Variants in NRF1 observed in about 807,000 individuals in gnomAD.
The protein encoded by NRF1 is nuclear respiratory factor 1.
In NRF1, 5 loss-of-function variants were observed where a neutral mutation model predicts 58.5. That is an observed-to-expected ratio of 0.09 (90% CI 0.04 to 0.18). The LOEUF is 0.18. NRF1 is among the 10% of genes least tolerant of loss of function. The pLI is 1.00. For synonymous variants in NRF1, 224 were observed against 246.7 expected (o/e 0.91, Z 0.86); for missense variants, 288 against 657.7 (o/e 0.44, Z 6.15).
intron 5 of NRF1, 116 bp from the exon 6 acceptor site, chr7:129,708,959 A>G: frequency 2.3e-6 from 2 of 858,610 alleles, no homozygotes; most frequent in Non-Finnish European, 3.3e-6. Context: ...CACATCTTAG[A>G]ATTCTCTGGG....
chr7:129,749,315 G>T (rs1804056379), intron 10 of NRF1, among the ~76,000 whole-genome samples: 1 of 152,110 alleles, frequency 6.6e-6, no homozygotes, highest in South Asian at 2.1e-4. Flanking sequence ...TGAAGTAAAG[G>T]ATGACTTCAG....
Position 129,657,555 on chromosome 7 carries a change from A to G in NRF1, c.204A>G (p.Thr68=), listed in dbSNP as rs926784142. ...ILNSTAADEV[T]AHLAAAGPVG... ...ACTCCACAGCAGCTGATGAGGTGAC[A>G]GCTCATCTGGCAGCTGCAGGTAGTG... Residue 68 remains threonine, a synonymous_variant, in exon 2 of 11, where the codon ACA becomes ACG. Coordinates refer to ENST00000393232, the MANE Select transcript of NRF1 (RefSeq NM_005011.5). 3 of 1,612,216 alleles carry G rather than the reference A, an allele frequency of 1.9e-6. No individual in the cohort carries two copies. Among genetic ancestry groups the G allele is most frequent in the Non-Finnish European group, 2.5e-6 (3 of 1,178,732 alleles).
intron 2 of NRF1, among the ~76,000 whole-genome samples, chr7:129,666,538 T>C: frequency 6.6e-6 from 1 of 152,156 alleles, no homozygotes; most frequent in East Asian, 1.9e-4. Flanking sequence ...TCTTTTTCTG[T>C]TGTTGTTTTT....
At chr7:129,711,997 T>A (rs1359227512) in intron 8 of NRF1, among the ~76,000 whole-genome samples, 3 of 152,206 alleles carry the variant, frequency 2.0e-5, no homozygotes, top group African/African-American at 7.2e-5. Flanking sequence ...ATTTATTACA[T>A]CTTAAATATG....
At chr7:129,644,708 A>G (rs533026776) in intron 1 of NRF1, among the ~76,000 whole-genome samples, 212 of 152,352 alleles carry the variant, frequency 1.4e-3, no homozygotes, top group Non-Finnish European at 2.6e-3. Context: ...GAGAGTTGAC[A>G]TATTTTAAGC....
intron 2 of NRF1, 100 bp downstream of exon 2, chr7:129,657,674 A>G (rs1044113991): frequency 9.5e-6 from 7 of 735,828 alleles, no homozygotes; most frequent in African/African-American, 7.2e-5. Flanking sequence ...CAGCAGCACA[A>G]TCATGATTCA....
rs529162859 is a variant in NRF1 at position 129,749,371 on chromosome 7, G to T, written c.1349-5647G>T. Among the ~76,000 whole-genome samples, 42 of 151,916 alleles carry T rather than the reference G, an allele frequency of 2.8e-4. 1 individual carries two copies. Among genetic ancestry groups the T allele is most frequent in the Non-Finnish European group, 8.8e-5 (6 of 67,976 alleles). Reference sequence around the variant, plus strand: ...AGAAGAATGTTATTGCCATTTATTTGGGAAGAGAGGAGACTTGGGAAAAGC... The same window carrying T: ...AGAAGAATGTTATTGCCATTTATTTTGGAAGAGAGGAGACTTGGGAAAAGC... On this transcript the variant is annotated intron_variant, in intron 10 of 10. Coordinates refer to ENST00000393232, the MANE Select transcript of NRF1 (RefSeq NM_005011.5).
At chr7:129,707,787 A>G (rs1262866157) in intron 5 of NRF1, among the ~76,000 whole-genome samples, 1 of 152,154 alleles carries the variant, frequency 6.6e-6, no homozygotes. Flanking sequence ...GGCTTGGCAC[A>G]GGAATTAACA....
intron 3 of NRF1, among the ~76,000 whole-genome samples, chr7:129,674,402 T>TTA: frequency 6.8e-6 from 1 of 146,590 alleles, no homozygotes; most frequent in African/African-American, 2.5e-5. Context: ...GTATTATATC[T>TTA]AAAAAAAAAA....
intron 4 of NRF1, among the ~76,000 whole-genome samples, chr7:129,687,176 C>T (rs1048381010): frequency 6.6e-5 from 10 of 151,944 alleles, no homozygotes; most frequent in African/African-American, 2.2e-4. Flanking sequence ...ATATTGTCCT[C>T]TGTGCCATCA....
chr7:129,736,827 A>G (rs1433941692), intron 10 of NRF1, among the ~76,000 whole-genome samples: 1 of 151,938 alleles, frequency 6.6e-6, no homozygotes, highest in African/African-American at 2.4e-5. Flanking sequence ...TATAGCACTG[A>G]GAGTAAAAGG....
At chr7:129,672,826 C>T (rs1562966338) in intron 3 of NRF1, among the ~76,000 whole-genome samples, 2 of 152,044 alleles carry the variant, frequency 1.3e-5, no homozygotes, top group African/African-American at 2.4e-5. Flanking sequence ...ACAAAATAAG[C>T]AGTTGGATAT....
At chr7:129,734,914 CTT>C (rs1803670748) in intron 10 of NRF1, 3 of 268,020 alleles carry the variant, frequency 1.1e-5, no homozygotes, top group African/African-American at 6.9e-5. Context: ...GGCCAGGACT[CTT>C]TCAGCCTTCC....
chr7:129,704,091 G>A (rs1231182036), intron 5 of NRF1, among the ~76,000 whole-genome samples: 1 of 150,692 alleles, frequency 6.6e-6, no homozygotes, highest in African/African-American at 2.4e-5. Context: ...AACAGTGCAT[G>A]TGCGAGAGGG....
chr7:129,698,410 G>T (rs1047660638), intron 5 of NRF1, among the ~76,000 whole-genome samples: 2 of 151,846 alleles, frequency 1.3e-5, no homozygotes, highest in African/African-American at 4.8e-5. Context: ...ATGAAAATTT[G>T]GATTTCTAGG....
rs559739620 is a variant in NRF1 at position 129,752,293 on chromosome 7, GTCTATC to G, written c.1349-2722_1349-2717del. On this transcript the variant is annotated intron_variant, in intron 10 of 10. Transcript: ENST00000393232. ...TGTAAAAGGAAGGAGTGGGGGATAA[GTCTATC>G]TCATGAATAACCTGAGCAAAGGCCC... Among the ~76,000 whole-genome samples, 477 of 151,386 alleles carry G rather than the reference GTCTATC, an allele frequency of 3.2e-3. 1 individual carries two copies. The highest frequency in any genetic ancestry group is 8.5e-3 in the Admixed American group (129 of 15,128).
At chr7:129,749,050 ACCT>A (rs1449155470) in intron 10 of NRF1, among the ~76,000 whole-genome samples, 12 of 152,168 alleles carry the variant, frequency 7.9e-5, no homozygotes, top group Non-Finnish European at 1.5e-5. Context: ...CCACTGTAAA[ACCT>A]CATGGCCCCT....
At chr7:129,696,497 A>C (rs1406155128) in intron 5 of NRF1, among the ~76,000 whole-genome samples, 6 of 152,190 alleles carry the variant, frequency 3.9e-5, no homozygotes, top group Non-Finnish European at 7.3e-5. Flanking sequence ...TCAAGGAAGC[A>C]GAGCTCAGAT....
At chr7:129,643,797 G>A (rs1801346117) in intron 1 of NRF1, among the ~76,000 whole-genome samples, 1 of 152,252 alleles carries the variant, frequency 6.6e-6, no homozygotes, top group South Asian at 2.1e-4. Flanking sequence ...TGGATAGACT[G>A]CTTTCATTTT....
Sources: gnomAD v4.1 joint callset for allele counts (sites outside exome capture counted in the v4.1 genomes callset) on GRCh38, gnomAD v4.1.1 for gene constraint, MANE v1.5 for transcripts, NCBI Gene and HGNC (gene_info 2026-07-23, HGNC 2026-07-21) for gene names.